The following CADPS2 variants were observed in gnomAD, a reference collection of about 807,000 sequenced individuals.
CADPS2 encodes the protein calcium dependent secretion activator 2.
In CADPS2, 93 loss-of-function variants were observed where a neutral mutation model predicts 172.5. The observed-to-expected ratio is 0.54, with a 90% CI of 0.46 to 0.64. The LOEUF (loss-of-function observed/expected upper bound fraction) is 0.64, where lower values mean the gene tolerates loss of function less well. Among genes scored for constraint, CADPS2 ranks in the 30% least tolerant of loss-of-function variants. CADPS2 has a pLI of 0.00. For synonymous variants in CADPS2, 546 were observed against 555.2 expected, an observed-to-expected ratio of 0.98 and a Z score of 0.23; for missense variants, 1,420 against 1,565.9, an observed-to-expected ratio of 0.91 and a Z score of 1.57.
intron 2 of CADPS2, among the ~76,000 whole-genome samples, chr7:122,725,310 G>A (rs951417485): frequency 8.6e-5 from 13 of 151,746 alleles, no homozygotes; most frequent in African/African-American, 2.2e-4. Context: ...ACTACAACTC[G>A]TCCATTTTAC....
At chr7:122,495,317 A>G (rs1248270802) in intron 9 of CADPS2, among the ~76,000 whole-genome samples, 2 of 152,190 alleles carry the variant, frequency 1.3e-5, no homozygotes, top group Non-Finnish European at 2.9e-5. Context: ...CTCTTCTCAG[A>G]GATAAACACC....
intron 6 of CADPS2, among the ~76,000 whole-genome samples, chr7:122,611,679 T>C (rs1278381547): frequency 6.6e-6 from 1 of 151,930 alleles, no homozygotes; most frequent in East Asian, 1.9e-4. Flanking sequence ...CTTCATACCT[T>C]TGAAAAAAAT....
At chr7:122,358,701 T>A (rs1326014091) in intron 27 of CADPS2, among the ~76,000 whole-genome samples, 1 of 152,054 alleles carries the variant, frequency 6.6e-6, no homozygotes, top group Non-Finnish European at 1.5e-5. Flanking sequence ...TTGCTGGAGT[T>A]TGAGTATAAA....
chr7:122,659,304 T>TAGCC (rs1282894273), intron 3 of CADPS2, among the ~76,000 whole-genome samples: 1 of 35,392 alleles, frequency 2.8e-5, no homozygotes, highest in Admixed American at 3.9e-4. Flanking sequence ...AAGGAAATGC[T>TAGCC]AGACATAAAA....
chr7:122,457,890 G>C (rs760753257), intron 14 of CADPS2, among the ~76,000 whole-genome samples: 36 of 152,128 alleles, frequency 2.4e-4, no homozygotes, highest in Non-Finnish European at 4.1e-4. Flanking sequence ...AGACACCAGG[G>C]TTAACACTGT....
In CADPS2 at chr7:122,717,613, T is replaced by A. The variant is rs558491519; in HGVS notation, c.453+19342A>T. On this transcript the variant is annotated intron_variant, in intron 2 of 29. Transcript: ENST00000449022. ...AGATTCAGGAGGGTAAACAACACTCTAATATAGAAAATCTTCTTATACAAC... is the reference window on the plus strand; with the variant it reads ...AGATTCAGGAGGGTAAACAACACTCAAATATAGAAAATCTTCTTATACAAC... Among the ~76,000 whole-genome samples the A allele has an allele frequency of 6.6e-5, 10 of 152,260 alleles. No individual in the cohort carries two copies. The South Asian group carries it at 1.9e-3, about 28-fold the overall frequency.
At chr7:122,447,031 C>CTTTTT (rs71530096) in intron 15 of CADPS2, among the ~76,000 whole-genome samples, 6 of 78,350 alleles carry the variant, frequency 7.7e-5, no homozygotes, top group Admixed American at 3.4e-4. Flanking sequence ...GTAGCTCCCT[C>CTTTTT]TTTTTTTTTT....
At chr7:122,511,488 T>C (rs1378155378) in intron 9 of CADPS2, among the ~76,000 whole-genome samples, 7 of 151,860 alleles carry the variant, frequency 4.6e-5, no homozygotes, top group Admixed American at 4.6e-4. Context: ...GTTAAAACAA[T>C]CAAATAAAAA....
intron 28 of CADPS2, among the ~76,000 whole-genome samples, chr7:122,327,616 T>C (rs12234859): frequency 0.22 from 32,679 of 151,914 alleles, 3,890 homozygotes; most frequent in South Asian, 0.26. Context: ...AAAATCCTTA[T>C]ATAATTTAAA....
intron 2 of CADPS2, among the ~76,000 whole-genome samples, chr7:122,671,936 T>G (rs984453184): frequency 1.3e-5 from 2 of 152,166 alleles, no homozygotes; most frequent in Admixed American, 6.5e-5. Context: ...ATTCCTATTA[T>G]ATGCTCATAT....
chr7:122,795,005 C>G (rs758144021), intron 1 of CADPS2, among the ~76,000 whole-genome samples: 5 of 152,044 alleles, frequency 3.3e-5, no homozygotes. Context: ...TAAATGCCCA[C>G]ATCAGAAAGT....
In CADPS2 at chr7:122,682,029, G is replaced by A. The variant is rs186910962; in HGVS notation, c.454-18460C>T. Among the ~76,000 whole-genome samples the A allele has an allele frequency of 9.7e-4, 148 of 152,100 alleles. 3 individuals carry two copies. The highest frequency in any genetic ancestry group is 3.6e-3 in the African/African-American group (148 of 41,508). The stretch of plus-strand genomic sequence containing the variant: ...TTTCTTCTAATATCAGCTAATAGCA[G>A]ATCTTTGAGTCTTTCTTCCTAGGTA... On this transcript the variant is annotated intron_variant, in intron 2 of 29. Transcript: ENST00000449022.
chr7:122,815,682 T>C (rs1801161947), intron 1 of CADPS2, among the ~76,000 whole-genome samples: 1 of 152,044 alleles, frequency 6.6e-6, no homozygotes, highest in Non-Finnish European at 1.5e-5. Flanking sequence ...AGAGCATAAA[T>C]CCATATAAAT....
intron 6 of CADPS2, among the ~76,000 whole-genome samples, chr7:122,587,961 T>C (rs2070035730): frequency 1.3e-5 from 2 of 152,096 alleles, no homozygotes; most frequent in East Asian, 3.9e-4. Flanking sequence ...TCTCTAATGA[T>C]CAGTGATGCT....
chr7:122,865,410 T>C (rs1042025803), intron 1 of CADPS2, among the ~76,000 whole-genome samples: 8 of 152,178 alleles, frequency 5.3e-5, no homozygotes, highest in Admixed American at 2.0e-4. Flanking sequence ...ATGGAAGAGA[T>C]GCTGTGACAC....
chr7:122,553,427 G>A (rs2064583158), intron 8 of CADPS2, among the ~76,000 whole-genome samples: 2 of 152,246 alleles, frequency 1.3e-5, no homozygotes, highest in South Asian at 4.1e-4. Context: ...CATTAAAGAT[G>A]CATAATGTTG....
intron 9 of CADPS2, among the ~76,000 whole-genome samples, chr7:122,505,514 TGCTTTTA>T (rs1423440897): frequency 6.6e-6 from 1 of 152,208 alleles, no homozygotes; most frequent in African/African-American, 2.4e-5. Context: ...TTGAAACATT[TGCTTTTA>T]GCTTTTAACT....
At chr7:122,353,351 G>C (rs1310452455) in intron 27 of CADPS2, among the ~76,000 whole-genome samples, 1 of 152,008 alleles carries the variant, frequency 6.6e-6, no homozygotes, top group Admixed American at 6.6e-5. Context: ...ATATTTGAGA[G>C]AATTCCTAAT....
chr7:122,537,428 A>T (rs1240212194), intron 8 of CADPS2, among the ~76,000 whole-genome samples: 1 of 151,920 alleles, frequency 6.6e-6, no homozygotes, highest in African/African-American at 2.4e-5. Context: ...ATAGAGAATG[A>T]AATTAAAGAT....
Sources: gnomAD v4.1 joint callset for allele counts (sites outside exome capture counted in the v4.1 genomes callset) on GRCh38, gnomAD v4.1.1 for gene constraint, MANE v1.5 for transcripts, NCBI Gene and HGNC (gene_info 2026-07-23, HGNC 2026-07-21) for gene names.